The following APLF variants were observed in gnomAD, a reference collection of about 807,000 sequenced individuals.
The protein encoded by APLF is aprataxin and PNK-like factor.
APLF carries 61 observed loss-of-function variants against 55.6 expected under a neutral mutation model. The observed-to-expected ratio is 1.10, with a 90% CI of 0.89 to 1.36. The LOEUF is 1.36. Among genes scored for constraint, APLF ranks in the 40% most tolerant of loss-of-function variants. The pLI is 0.00. For missense variants in APLF, 611 were observed against 602.5 expected, an observed-to-expected ratio of 1.01 and a Z score of -0.15; for synonymous variants, 207 against 214.8, an observed-to-expected ratio of 0.96 and a Z score of 0.32.
At chr2:68,524,994 T>C (rs1669992522) in intron 5 of APLF, among the ~76,000 whole-genome samples, 1 of 152,218 alleles carries the variant, frequency 6.6e-6, no homozygotes, top group Non-Finnish European at 1.5e-5. Context: ...CAGCAAAGTC[T>C]GTAGAAGTCA....
At position 68,529,372 on chromosome 2, in the gene APLF, G is replaced by A; in HGVS notation, c.804+3130G>A. 1 of 1,300,156 alleles carries A rather than the reference G, an allele frequency of 7.7e-7. No individual in the cohort carries two copies. Among genetic ancestry groups the A allele is most frequent in the Non-Finnish European group, 9.8e-7 (1 of 1,024,524 alleles). The allele number at this position is 1,300,156 out of a possible 1,614,324, so 80.5% of individuals were successfully genotyped here. On this transcript the variant is annotated intron_variant, in intron 6 of 9. Transcript: ENST00000303795. This position sits in a 1 kb window ranked among gnomAD's most constrained non-coding sequence, Gnocchi z 4.4. ...CCGCGGGGTGAGCCCGGCCAGCTGG[G>A]AAGGCCTCACGGACAAGACGAGCAG...
At chr2:68,554,663 TAATAGG>T in intron 8 of APLF, among the ~76,000 whole-genome samples, 1 of 151,700 alleles carries the variant, frequency 6.6e-6, no homozygotes, top group Non-Finnish European at 1.5e-5. Flanking sequence ...GCAGCCATTA[TAATAGG>T]GGTTGAGTTC....
intron 1 of APLF, among the ~76,000 whole-genome samples, chr2:68,485,090 A>G (rs542881911): frequency 6.6e-6 from 1 of 152,224 alleles, no homozygotes; most frequent in East Asian, 1.9e-4. Flanking sequence ...ACATTTCTAT[A>G]TAGCTATATT....
At chr2:68,547,488 G>A (rs1670739749) in intron 8 of APLF, among the ~76,000 whole-genome samples, 1 of 151,826 alleles carries the variant, frequency 6.6e-6, no homozygotes, top group East Asian at 1.9e-4. Context: ...AAGCAGTGTG[G>A]TATGGGCACA....
At chr2:68,474,331 G>C (rs1044871374) in intron 1 of APLF, among the ~76,000 whole-genome samples, 3 of 152,216 alleles carry the variant, frequency 2.0e-5, no homozygotes, top group Admixed American at 2.0e-4. Context: ...CTCCCTAGAG[G>C]AGGCTGGGGC....
At position 68,526,244 on chromosome 2, in the gene APLF, T is replaced by C; in HGVS notation, c.804+2T>C. ...GAAGAGTCTACCATTTCATCCAAGGTGATTTTAAAAAATTCATTATTTGAT... is the reference window on the plus strand; with the variant it reads ...GAAGAGTCTACCATTTCATCCAAGGCGATTTTAAAAAATTCATTATTTGAT... On this transcript the variant is annotated splice_donor_variant, in intron 6 of 9. Transcript: ENST00000303795. LOFTEE classifies it high-confidence loss of function. The C allele has an allele frequency of 6.3e-7, 1 of 1,595,872 alleles. No homozygotes were observed. The highest frequency in any genetic ancestry group is 8.5e-7 in the Non-Finnish European group (1 of 1,173,744).
chr2:68,472,162 C>A (rs568154553), intron 1 of APLF, among the ~76,000 whole-genome samples: 1 of 152,092 alleles, frequency 6.6e-6, no homozygotes, highest in African/African-American at 2.4e-5. Flanking sequence ...TCTCAGATAG[C>A]GGACTTCAGA....
At chr2:68,512,992 GTAAAGGGACA>G (rs1669438755) in intron 3 of APLF, 78 bp from the exon 4 acceptor site, 1 of 1,278,806 alleles carries the variant, frequency 7.8e-7, no homozygotes, top group Non-Finnish European at 1.1e-6. Context: ...CTAAGTCTGA[GTAAAGGGACA>G]TAACTTAGAT....
chr2:68,478,397 AT>A (rs1675846308), intron 1 of APLF, among the ~76,000 whole-genome samples: 1 of 152,142 alleles, frequency 6.6e-6, no homozygotes, highest in Non-Finnish European at 1.5e-5. Context: ...TGAAAATGCA[AT>A]TTTTATGTGG....
At chr2:68,560,237 C>G (rs1671132907) in intron 8 of APLF, among the ~76,000 whole-genome samples, 1 of 151,842 alleles carries the variant, frequency 6.6e-6, no homozygotes, top group Non-Finnish European at 1.5e-5. Context: ...GCATATAAAC[C>G]CCATGAAAGC....
In APLF at chr2:68,578,015, G is replaced by C; in HGVS notation, c.1529G>C (p.Arg510Thr). The change falls in exon 10 of 10, where the codon AGA becomes ACA. Residue 510 changes from arginine to threonine, a missense_variant. By Grantham distance (71) the Arg-to-Thr change is moderately conservative. Coordinates refer to ENST00000303795, the MANE Select transcript of APLF (RefSeq NM_173545.3). ...AAAGAAGCAAAAAGGTTTATGAAAA[G>C]AAAATAGTAACTAACTTCTGTAGTC... ...LLKEAKRFMKRK is the reference protein window; with the variant it reads ...LLKEAKRFMKTK The C allele has an allele frequency of 6.2e-7, 1 of 1,611,788 alleles. No individual in the cohort carries two copies.
At chr2:68,558,679 A>T (rs534476810) in intron 8 of APLF, among the ~76,000 whole-genome samples, 1 of 152,274 alleles carries the variant, frequency 6.6e-6, no homozygotes, top group South Asian at 2.1e-4. Context: ...CAGGATGCAC[A>T]GGTTTGTTAC....
At chr2:68,562,831 G>A (rs1671205037) in intron 8 of APLF, among the ~76,000 whole-genome samples, 1 of 152,026 alleles carries the variant, frequency 6.6e-6, no homozygotes, top group Non-Finnish European at 1.5e-5. Context: ...AGCTTTTGAA[G>A]ACTCAATTTA....
chr2:68,516,980 A>AT, intron 5 of APLF, among the ~76,000 whole-genome samples: 1 of 125,298 alleles, frequency 8.0e-6, no homozygotes, highest in East Asian at 2.1e-4. Flanking sequence ...AATATAATAT[A>AT]ATTATATATA....
chr2:68,474,292 G>A (rs1267201233), intron 1 of APLF, among the ~76,000 whole-genome samples: 1 of 152,232 alleles, frequency 6.6e-6, no homozygotes, highest in Non-Finnish European at 1.5e-5. Flanking sequence ...TTGGGCATTA[G>A]TGATCAGCTA....
chr2:68,511,531 T>C (rs1016296357), intron 3 of APLF, among the ~76,000 whole-genome samples: 5 of 151,702 alleles, frequency 3.3e-5, no homozygotes, highest in South Asian at 2.1e-4. Flanking sequence ...CTCAGACTTA[T>C]GCCACAATAG....
At chr2:68,568,793 A>G (rs1260229772) in intron 9 of APLF, among the ~76,000 whole-genome samples, 2 of 152,144 alleles carry the variant, frequency 1.3e-5, no homozygotes, top group African/African-American at 4.8e-5. Flanking sequence ...ATATTTTAGG[A>G]CAATTAACTT....
At chr2:68,518,432 TATAATATATA>T (rs1369317636) in intron 5 of APLF, among the ~76,000 whole-genome samples, 3 of 112,752 alleles carry the variant, frequency 2.7e-5, no homozygotes, top group African/African-American at 1.1e-4. Context: ...TAATTTATTA[TATAATATATA>T]ATAATATATT....
intron 1 of APLF, among the ~76,000 whole-genome samples, chr2:68,484,337 A>T (rs916492564): frequency 1.3e-5 from 2 of 152,148 alleles, no homozygotes; most frequent in South Asian, 4.1e-4. Context: ...ACATGGTATC[A>T]CTACAAAAGT....
Sources: gnomAD v4.1 joint callset for allele counts (sites outside exome capture counted in the v4.1 genomes callset) on GRCh38, gnomAD v4.1.1 for gene constraint, Gnocchi (gnomAD v3.1) non-coding constraint, MANE v1.5 for transcripts, NCBI Gene and HGNC (gene_info 2026-07-23, HGNC 2026-07-21) for gene names.